The following CPA6 variants were observed in gnomAD, a reference collection of about 807,000 sequenced individuals.
The protein encoded by CPA6 is carboxypeptidase A6.
A neutral mutation model predicts 63.3 loss-of-function variants in CPA6; 58 were observed. The ratio of observed to expected loss-of-function variants is 0.92; its 90% confidence interval spans 0.74 to 1.14. CPA6 has a LOEUF of 1.14. Among genes scored for constraint, CPA6 ranks in the 50% most tolerant of loss-of-function variants. CPA6 has a pLI of 0.00. For synonymous variants in CPA6, 185 were observed against 179.0 expected (o/e 1.03, Z -0.27); for missense variants, 565 against 526.6 (o/e 1.07, Z -0.71).
intron 1 of CPA6, among the ~76,000 whole-genome samples, chr8:67,744,784 C>G (rs1232155655): frequency 6.6e-6 from 1 of 152,082 alleles, no homozygotes; most frequent in African/African-American, 2.4e-5. Flanking sequence ...AAAGGCAGCC[C>G]TGGGATGTTA....
At chr8:67,443,906 T>C (rs1810352071) in intron 8 of CPA6, among the ~76,000 whole-genome samples, 3 of 152,182 alleles carry the variant, frequency 2.0e-5, no homozygotes, top group Admixed American at 1.3e-4. Flanking sequence ...CTAATTGGAC[T>C]TGGTGACTGG....
chr8:67,474,819 T>TA (rs1811138829), intron 8 of CPA6, among the ~76,000 whole-genome samples: 1 of 151,714 alleles, frequency 6.6e-6, no homozygotes, highest in South Asian at 2.1e-4. Context: ...CTATGAAAAA[T>TA]AAAAAATAAA....
chr8:67,585,174 A>G (rs1194599709), intron 2 of CPA6, among the ~76,000 whole-genome samples: 1 of 151,996 alleles, frequency 6.6e-6, no homozygotes, highest in African/African-American at 2.4e-5. Context: ...TGAAGCTTAG[A>G]GTTTGAGGGT....
intron 1 of CPA6, among the ~76,000 whole-genome samples, chr8:67,629,479 CA>C (rs34412333): frequency 0.04 from 3,741 of 93,978 alleles, 62 homozygotes; most frequent in East Asian, 0.088. Flanking sequence ...GACCCTGTCT[CA>C]AAAAAAAAAA....
chr8:67,733,846 CTT>C (rs10696053), intron 1 of CPA6, among the ~76,000 whole-genome samples: 5 of 94,930 alleles, frequency 5.3e-5, no homozygotes, highest in Admixed American at 3.1e-4. Flanking sequence ...GCTGCATCGT[CTT>C]TTTTTTTTTT....
chr8:67,740,921 T>A (rs897989191), intron 1 of CPA6, among the ~76,000 whole-genome samples: 1 of 152,166 alleles, frequency 6.6e-6, no homozygotes, highest in African/African-American at 2.4e-5. Flanking sequence ...CTGTGAATAG[T>A]CATATCCTGT....
intron 1 of CPA6, among the ~76,000 whole-genome samples, chr8:67,703,398 C>G (rs949204554): frequency 7.2e-5 from 11 of 152,180 alleles, no homozygotes; most frequent in African/African-American, 2.4e-4. Flanking sequence ...AGCCTAAGAC[C>G]ATGAAATATT....
In CPA6 at chr8:67,710,145, G is replaced by A. The variant is rs144088162; in HGVS notation, c.116+35869C>T. 2.0e-3 allele frequency among the ~76,000 whole-genome samples: 299 copies of A among 152,088 alleles called. 3 individuals are homozygous for A. The highest frequency in any genetic ancestry group is 0.012 in the South Asian group (56 of 4,808). ...AAAAAGATTTTCTGATTGGAAATTT[G>A]TTAAAAGAATTAAGCTTTGTCTAAA... On this transcript the variant is annotated intron_variant, in intron 1 of 10. Coordinates refer to ENST00000297770, the MANE Select transcript of CPA6 (RefSeq NM_020361.5).
intron 2 of CPA6, among the ~76,000 whole-genome samples, chr8:67,563,473 T>C (rs970166357): frequency 2.0e-5 from 3 of 152,174 alleles, no homozygotes; most frequent in Admixed American, 6.5e-5. Flanking sequence ...CTAAAAATCT[T>C]GGACAGAACA....
chr8:67,641,773 A>G (rs111429753), intron 1 of CPA6, among the ~76,000 whole-genome samples: 2,814 of 152,300 alleles, frequency 0.018, 85 homozygotes, highest in African/African-American at 0.062. Flanking sequence ...AGAAGGAACA[A>G]AACTGCCAGT....
chr8:67,674,817 T>C (rs1816433235), intron 1 of CPA6, among the ~76,000 whole-genome samples: 1 of 152,134 alleles, frequency 6.6e-6, no homozygotes, highest in Admixed American at 6.5e-5. Flanking sequence ...GTGGTACATA[T>C]ACACCACGGA....
At chr8:67,463,971 A>T (rs1281461105) in intron 8 of CPA6, among the ~76,000 whole-genome samples, 1 of 152,228 alleles carries the variant, frequency 6.6e-6, no homozygotes, top group African/African-American at 2.4e-5. Flanking sequence ...TAGTGCTTCA[A>T]TGAACACGCG....
chr8:67,475,831 CTTT>C lies in CPA6; in HGVS notation c.838+7934_838+7936del, dbSNP rs1563967654. Among the ~76,000 whole-genome samples, 91 of 50,392 alleles carry C rather than the reference CTTT, an allele frequency of 1.8e-3. 1 individual carries two copies. The highest frequency in any genetic ancestry group is 6.1e-3 in the South Asian group (9 of 1,470). The allele number at this position is 50,392 out of a possible 152,430, so 33.1% of individuals were successfully genotyped here. A position where few individuals can be genotyped will look rare whatever the true frequency, so the allele number is the denominator to read the frequency against. On this transcript the variant is annotated intron_variant, in intron 8 of 10. Transcript: ENST00000297770. ...TTTCTTTCTTTCCTTTCTTTTCTTTCTTTCTTTCTTTCTTTCTTTCTTTCTTTC... is the reference window on the plus strand; with the variant it reads ...TTTCTTTCTTTCCTTTCTTTTCTTTCCTTTCTTTCTTTCTTTCTTTCTTTC...
chr8:67,484,162 C>T (rs1340874609), intron 7 of CPA6, among the ~76,000 whole-genome samples: 2 of 152,088 alleles, frequency 1.3e-5, no homozygotes, highest in East Asian at 1.9e-4. Context: ...TTCCGCCTCC[C>T]GGGTTCACAC....
At chr8:67,728,745 T>C (rs1307329756) in intron 1 of CPA6, among the ~76,000 whole-genome samples, 1 of 152,230 alleles carries the variant, frequency 6.6e-6, no homozygotes, top group African/African-American at 2.4e-5. Flanking sequence ...CTATTTTAGA[T>C]ATGAGAAAAT....
At chr8:67,497,134 A>G (rs1033474313) in intron 6 of CPA6, among the ~76,000 whole-genome samples, 9 of 152,164 alleles carry the variant, frequency 5.9e-5, no homozygotes, top group African/African-American at 2.2e-4. Flanking sequence ...TATAAAATTC[A>G]CCATTTTACA....
intron 5 of CPA6, among the ~76,000 whole-genome samples, chr8:67,507,999 T>TTGTGTGTGTGTGTGTG (rs145996041): frequency 7.0e-6 from 1 of 142,296 alleles, no homozygotes; most frequent in East Asian, 2.1e-4. Context: ...ATGGGGTGCT[T>TTGTGTGTGTGTGTGTG]TGTGTGTGTG....
At chr8:67,682,878 C>T (rs946661986) in intron 1 of CPA6, among the ~76,000 whole-genome samples, 32 of 152,180 alleles carry the variant, frequency 2.1e-4, no homozygotes, top group African/African-American at 7.7e-4. Context: ...TTCCTTCTAG[C>T]CTTTTTGGTG....
chr8:67,647,679 G>A (rs185018026), intron 1 of CPA6, among the ~76,000 whole-genome samples: 87 of 152,232 alleles, frequency 5.7e-4, no homozygotes, highest in Middle Eastern at 3.4e-3. Context: ...AAGTCTGGAC[G>A]CAATAAAGAA....
Sources: gnomAD v4.1 joint callset for allele counts (sites outside exome capture counted in the v4.1 genomes callset) on GRCh38, gnomAD v4.1.1 for gene constraint, MANE v1.5 for transcripts, NCBI Gene and HGNC (gene_info 2026-07-23, HGNC 2026-07-21) for gene names.